PDE4B: variants seen among roughly 807,000 people sequenced by gnomAD.
PDE4B encodes the protein phosphodiesterase 4B.
PDE4B carries 20 observed loss-of-function variants against 82.2 expected under a neutral mutation model. The ratio of observed to expected loss-of-function variants is 0.24; its 90% CI spans 0.17 to 0.35. The LOEUF (loss-of-function observed/expected upper bound fraction) is 0.35. Ranked by LOEUF, PDE4B falls within the 10% of genes least tolerant of loss-of-function variation. The probability of loss-of-function intolerance (pLI) is 1.00; values close to 1 mark genes in which losing one functional copy is unlikely to be tolerated. For synonymous variants in PDE4B, 320 were observed against 318.9 expected (o/e 1.00, Z -0.04); for missense variants, 655 against 907.2 (o/e 0.72, Z 3.57).
chr1:66,145,285 G>A (rs17128445), intron 3 of PDE4B, among the ~76,000 whole-genome samples: 15,105 of 152,120 alleles, frequency 0.099, 1,067 homozygotes, highest in East Asian at 0.16. Flanking sequence ...TCCAGTGCAG[G>A]CACCTAAGGG....
At chr1:66,364,418 G>A (rs969811852) in intron 12 of PDE4B, among the ~76,000 whole-genome samples, 1 of 152,124 alleles carries the variant, frequency 6.6e-6, no homozygotes, top group Non-Finnish European at 1.5e-5. Flanking sequence ...ATGCATTTGT[G>A]TATACCGATA....
chr1:65,888,905 A>G (rs900818947), intron 1 of PDE4B, among the ~76,000 whole-genome samples: 15 of 152,070 alleles, frequency 9.9e-5, no homozygotes, highest in African/African-American at 3.6e-4. Context: ...AAAGAAGGGC[A>G]ATTTGACATT....
At chr1:65,972,892 T>A (rs1232176188) in intron 3 of PDE4B, among the ~76,000 whole-genome samples, 1 of 152,218 alleles carries the variant, frequency 6.6e-6, no homozygotes, top group African/African-American at 2.4e-5. Flanking sequence ...CATTGGGCCA[T>A]GCATAGAGTT....
intron 1 of PDE4B, among the ~76,000 whole-genome samples, chr1:65,810,456 C>A (rs1385033629): frequency 1.3e-5 from 2 of 152,086 alleles, no homozygotes; most frequent in African/African-American, 4.8e-5. Flanking sequence ...GTTTATATAG[C>A]GAGGGCTGAC....
intron 7 of PDE4B, among the ~76,000 whole-genome samples, chr1:66,271,503 G>A (rs1655474870): frequency 6.6e-6 from 1 of 152,184 alleles, no homozygotes; most frequent in South Asian, 2.1e-4. Flanking sequence ...CGCTGCCAGG[G>A]ACCTAGATAC....
chr1:66,173,811 A>G (rs1295853401), intron 3 of PDE4B, among the ~76,000 whole-genome samples: 2 of 152,292 alleles, frequency 1.3e-5, no homozygotes, highest in Non-Finnish European at 2.9e-5. Flanking sequence ...TTTGATGCAG[A>G]GTCTTGCTGT....
rs552174727 is a variant in PDE4B at position 66,199,877 on chromosome 1, T to C, written c.282-47583T>C. Among the ~76,000 whole-genome samples, 369 of 152,296 alleles carry C rather than the reference T, an allele frequency of 2.4e-3. 2 individuals are homozygous for C. Among genetic ancestry groups the C allele is most frequent in the Admixed American group, 7.5e-3 (114 of 15,288 alleles). On this transcript the variant is annotated intron_variant, in intron 3 of 16. Transcript: ENST00000341517. ...AGATCCCATTTGTCAATTTTGGCTT[T>C]TGTTGCCATTGCTTTTGGTGTTTTA...
At chr1:65,884,113 A>G (rs1364307523) in intron 1 of PDE4B, among the ~76,000 whole-genome samples, 1 of 152,046 alleles carries the variant, frequency 6.6e-6, no homozygotes, top group Non-Finnish European at 1.5e-5. Context: ...TTGGTCTAAA[A>G]TTCTCTTTTT....
At chr1:65,862,265 T>C (rs1462971816) in intron 1 of PDE4B, among the ~76,000 whole-genome samples, 2 of 152,210 alleles carry the variant, frequency 1.3e-5, no homozygotes, top group African/African-American at 2.4e-5. Context: ...TGAAAGGGTG[T>C]TGAATTTTAT....
At chr1:66,195,348 A>G (rs1648203826) in intron 3 of PDE4B, among the ~76,000 whole-genome samples, 1 of 152,188 alleles carries the variant, frequency 6.6e-6, no homozygotes, top group South Asian at 2.1e-4. Context: ...TAGCACCCAA[A>G]GGTTTAAATA....
chr1:65,967,199 A>C (rs1479076788), intron 3 of PDE4B, among the ~76,000 whole-genome samples: 1 of 152,078 alleles, frequency 6.6e-6, no homozygotes, highest in African/African-American at 2.4e-5. Context: ...AAGAAAAAAA[A>C]CAATCCCATC....
intron 3 of PDE4B, among the ~76,000 whole-genome samples, chr1:66,240,390 A>G (rs1354161072): frequency 2.0e-5 from 3 of 152,244 alleles, no homozygotes; most frequent in Non-Finnish European, 2.9e-5. Context: ...GAGGATAGGA[A>G]GGAACTAAAG....
intron 3 of PDE4B, among the ~76,000 whole-genome samples, chr1:66,038,370 G>A (rs181047117): frequency 2.4e-4 from 36 of 152,242 alleles, no homozygotes; most frequent in African/African-American, 7.9e-4. Flanking sequence ...GAACCACATA[G>A]CAGGGGGTCT....
chr1:65,918,665 C>G lies in PDE4B; in HGVS notation c.111C>G (p.Ile37Met), dbSNP rs763773373. The G allele has an allele frequency of 6.2e-7, 1 of 1,613,742 alleles. No individual in the cohort carries two copies. Among genetic ancestry groups the G allele is most frequent in the Non-Finnish European group, 8.5e-7 (1 of 1,179,676 alleles). ...GTTCTTCCAGTAACACACTTGGGATCGACCTCTGGAGAGGGAGAAGGTGTT... is the reference window on the plus strand; with the variant it reads ...GTTCTTCCAGTAACACACTTGGGATGGACCTCTGGAGAGGGAGAAGGTGTT... ...SYSSSSNTLGIDLWRGRRCCS... is the reference protein window; with the variant it reads ...SYSSSSNTLGMDLWRGRRCCS... Residue 37 changes from isoleucine (I) to methionine (M), a missense_variant, in exon 3 of 17, where the codon ATC becomes ATG. By Grantham distance (10) the Ile-to-Met change is conservative. Around this residue, in one of 3 missense-constraint regions of PDE4B, gnomAD observed 253 missense variants for 275.6 expected, o/e 0.92. Coordinates refer to ENST00000341517, the MANE Select transcript of PDE4B (RefSeq NM_002600.4).
chr1:66,073,839 G>A (rs888505398), intron 3 of PDE4B, among the ~76,000 whole-genome samples: 6 of 152,058 alleles, frequency 3.9e-5, no homozygotes, highest in African/African-American at 1.4e-4. Context: ...ATGAATCCTA[G>A]GAAGGGTGTG....
chr1:66,276,140 G>A (rs1357157034), intron 7 of PDE4B, among the ~76,000 whole-genome samples: 1 of 152,196 alleles, frequency 6.6e-6, no homozygotes, highest in Non-Finnish European at 1.5e-5. Flanking sequence ...GTGTGCCTCT[G>A]ATTTCAGGAA....
chr1:65,981,545 C>CTT (rs35405572), intron 3 of PDE4B, among the ~76,000 whole-genome samples: 16 of 140,308 alleles, frequency 1.1e-4, no homozygotes, highest in African/African-American at 2.1e-4. Flanking sequence ...TTCATGTTTC[C>CTT]TTTTTTTTTT....
chr1:66,039,719 T>C (rs1654262013), intron 3 of PDE4B, among the ~76,000 whole-genome samples: 1 of 152,128 alleles, frequency 6.6e-6, no homozygotes, highest in Non-Finnish European at 1.5e-5. Context: ...CCTCAGTTTC[T>C]GCATCTGAAA....
chr1:66,027,956 C>A (rs761483766), intron 3 of PDE4B, among the ~76,000 whole-genome samples: 1 of 152,140 alleles, frequency 6.6e-6, no homozygotes. Context: ...TGCAAGCTAT[C>A]GGTGGATCTA....
Sources: gnomAD v4.1 joint callset for allele counts (sites outside exome capture counted in the v4.1 genomes callset) on GRCh38, gnomAD v4.1.1 for gene constraint, gnomAD v4.1.1 regional missense constraint, MANE v1.5 for transcripts, NCBI Gene and HGNC (gene_info 2026-07-23, HGNC 2026-07-21) for gene names.